KCNJ15: variants seen among roughly 807,000 people sequenced by gnomAD.
KCNJ15 encodes the protein potassium inwardly rectifying channel subfamily J member 15.
In KCNJ15, 14 loss-of-function variants were observed where a neutral mutation model predicts 23.0. The ratio of observed to expected loss-of-function variants is 0.61; its 90% CI spans 0.40 to 0.95. KCNJ15 has a LOEUF of 0.95. Ranked by LOEUF, KCNJ15 falls within the 40% of genes least tolerant of loss-of-function variation. KCNJ15 has a pLI of 0.00. For missense variants in KCNJ15, 388 were observed against 461.8 expected (o/e 0.84, Z 1.46); for synonymous variants, 185 against 183.2 (o/e 1.01, Z -0.08).
At chr21:38,248,568 A>C (rs1979610055) in intron 1 of KCNJ15, among the ~76,000 whole-genome samples, 1 of 152,238 alleles carries the variant, frequency 6.6e-6, no homozygotes, top group African/African-American at 2.4e-5. Flanking sequence ...CTTTGAGGGC[A>C]TGCAAATTGT....
intron 1 of KCNJ15, among the ~76,000 whole-genome samples, chr21:38,275,416 G>A (rs1256967457): frequency 6.6e-6 from 1 of 151,570 alleles, no homozygotes; most frequent in Non-Finnish European, 1.5e-5. Flanking sequence ...CAGCTACTTG[G>A]GAGGCTGAGG....
chr21:38,253,665 A>C (rs1300330802), upstream of KCNJ15, among the ~76,000 whole-genome samples: 2 of 152,256 alleles, frequency 1.3e-5, no homozygotes, highest in African/African-American at 4.8e-5. Flanking sequence ...GATTCAAGCC[A>C]AGATGAGGAT....
chr21:38,258,615 C>T (rs1980538100), intron 1 of KCNJ15, among the ~76,000 whole-genome samples: 1 of 152,230 alleles, frequency 6.6e-6, no homozygotes, highest in South Asian at 2.1e-4. Context: ...AATAACGGAA[C>T]AGACCTTTCT....
chr21:38,297,925 TAC>T (rs952545556), intron 2 of KCNJ15, among the ~76,000 whole-genome samples: 3 of 152,316 alleles, frequency 2.0e-5, no homozygotes, highest in East Asian at 1.9e-4. Context: ...TGCTAATGGA[TAC>T]AGTTTCCATT....
chr21:38,241,279 G>C (rs950504538), intron 1 of KCNJ15, among the ~76,000 whole-genome samples: 1 of 149,826 alleles, frequency 6.7e-6, no homozygotes, highest in Non-Finnish European at 1.5e-5. Flanking sequence ...TAATTTTCAG[G>C]TTTGCAGTTT....
intron 1 of KCNJ15, chr21:38,238,487 G>T: frequency 1.5e-6 from 1 of 652,858 alleles, no homozygotes; most frequent in Admixed American, 1.8e-5. Flanking sequence ...ATCTGCCTGA[G>T]GGTCTGCTGC....
At chr21:38,262,302 G>A (rs1980995814) in intron 1 of KCNJ15, among the ~76,000 whole-genome samples, 1 of 152,212 alleles carries the variant, frequency 6.6e-6, no homozygotes. Flanking sequence ...CCTGGCTGCT[G>A]TGACTAGCAT....
chr21:38,292,675 A>G (rs1359710881), intron 1 of KCNJ15, among the ~76,000 whole-genome samples: 6 of 152,278 alleles, frequency 3.9e-5, no homozygotes, highest in African/African-American at 1.4e-4. Context: ...CATTAAGACT[A>G]TTTCACAACT....
chr21:38,267,290 T>TC (rs1198097514), intron 1 of KCNJ15: 1 of 152,228 alleles, frequency 6.6e-6, no homozygotes, highest in Non-Finnish European at 1.5e-5. Flanking sequence ...TGGACTGCTC[T>TC]CATTCCAGGA....
At chr21:38,289,803 CT>C (rs71184613) in intron 1 of KCNJ15, among the ~76,000 whole-genome samples, 1,899 of 152,286 alleles carry the variant, frequency 0.012, 24 homozygotes, top group South Asian at 0.051. Context: ...TCCTCACCCC[CT>C]CCACACTCAC....
chr21:38,260,264 G>A (rs16996041), intron 1 of KCNJ15, among the ~76,000 whole-genome samples: 350 of 152,312 alleles, frequency 2.3e-3, no homozygotes, highest in African/African-American at 7.6e-3. Flanking sequence ...TCTGGAACAC[G>A]TCTCTGGATG....
chr21:38,278,587 G>A (rs191681209), intron 1 of KCNJ15, among the ~76,000 whole-genome samples: 1 of 152,334 alleles, frequency 6.6e-6, no homozygotes, highest in Non-Finnish European at 1.5e-5. Context: ...GGAGACAGAA[G>A]CATAGGCAAT....
At chr21:38,294,992 A>G (rs1569016284) in intron 1 of KCNJ15, among the ~76,000 whole-genome samples, 4 of 152,220 alleles carry the variant, frequency 2.6e-5, no homozygotes, top group Admixed American at 1.3e-4. Flanking sequence ...AGAAATAAAC[A>G]TTATTTCCAG....
At chr21:38,242,210 A>G (rs996322745) in intron 1 of KCNJ15, among the ~76,000 whole-genome samples, 1 of 152,092 alleles carries the variant, frequency 6.6e-6, no homozygotes, top group African/African-American at 2.4e-5. Flanking sequence ...TTTTCATACC[A>G]TCTCTTGATT....
At chr21:38,231,723 G>T (rs377728975) in intron 1 of KCNJ15, among the ~76,000 whole-genome samples, 1 of 151,702 alleles carries the variant, frequency 6.6e-6, no homozygotes, top group East Asian at 1.9e-4. Flanking sequence ...AAATGACCAC[G>T]TGTTTTTTTG....
chr21:38,264,596 C>T (rs181630139), intron 1 of KCNJ15, among the ~76,000 whole-genome samples: 4 of 152,392 alleles, frequency 2.6e-5, no homozygotes, highest in Admixed American at 2.6e-4. Flanking sequence ...GCTATAATTA[C>T]ATCTTTACTT....
At chr21:38,269,106 G>A (rs1207681584) in intron 1 of KCNJ15, 2 of 152,192 alleles carry the variant, frequency 1.3e-5, no homozygotes. Flanking sequence ...TGAAAGTGTT[G>A]TGGAAAGCAC....
chr21:38,299,180 A>G lies in KCNJ15; in HGVS notation c.-18-64A>G. On this transcript the variant is annotated intron_variant, in intron 2 of 2. Transcript: ENST00000398938. This position sits in a 1 kb window ranked among gnomAD's most constrained non-coding sequence, Gnocchi z 4.5. ...ACATTCATACTTACTTCACATGATG[A>G]TTCTATTTTCTGGAAGTTCCACCAC... 6 of 1,229,286 alleles carry G rather than the reference A, an allele frequency of 4.9e-6. No individual in the cohort carries two copies. Among genetic ancestry groups the G allele is most frequent in the Non-Finnish European group, 6.9e-6 (6 of 866,836 alleles). 76.1% of individuals were successfully genotyped at this position (1,229,286 alleles called of 1,614,324 possible).
intron 1 of KCNJ15, among the ~76,000 whole-genome samples, chr21:38,295,216 G>T (rs17461505): frequency 0.1 from 15,283 of 152,140 alleles, 2,180 homozygotes; most frequent in African/African-American, 0.32. Flanking sequence ...ATTCTATTTA[G>T]AGCATTCTGC....
Sources: allele counts gnomAD v4.1 joint callset (sites outside exome capture counted in the v4.1 genomes callset), GRCh38; gene constraint gnomAD v4.1.1; non-coding constraint Gnocchi (gnomAD v3.1); transcripts MANE v1.5; gene names NCBI Gene and HGNC (gene_info 2026-07-23, HGNC 2026-07-21).